The following TBC1D5 variants were observed in gnomAD, a reference collection of about 807,000 sequenced individuals.
TBC1D5 encodes TBC1 domain family, member 5.
TBC1D5 carries 75 observed loss-of-function variants against 100.3 expected under a neutral mutation model. The observed-to-expected ratio is 0.75, with a 90% CI of 0.62 to 0.91. The LOEUF is 0.91. Ranked by LOEUF, TBC1D5 falls within the 40% of genes least tolerant of loss-of-function variation. The pLI, the probability that TBC1D5 is intolerant of heterozygous loss-of-function variation, is 0.00. For missense variants in TBC1D5, 910 were observed against 942.4 expected (o/e 0.97, Z 0.45); for synonymous variants, 323 against 325.6 (o/e 0.99, Z 0.09).
chr3:17,487,524 AG>A (rs2095585358), intron 3 of TBC1D5, among the ~76,000 whole-genome samples: 1 of 152,194 alleles, frequency 6.6e-6, no homozygotes, highest in African/African-American at 2.4e-5. Context: ...CTTATGCAAA[AG>A]ATTAAATCAT....
chr3:17,340,654 C>T (rs956902164), intron 13 of TBC1D5: 1 of 152,180 alleles, frequency 6.6e-6, no homozygotes, highest in Non-Finnish European at 1.5e-5. Context: ...AACTGACTTA[C>T]AAGTGTTGTC....
At chr3:17,619,165 A>G (rs1373205161) in intron 2 of TBC1D5, among the ~76,000 whole-genome samples, 1 of 152,252 alleles carries the variant, frequency 6.6e-6, no homozygotes, top group Admixed American at 6.5e-5. Flanking sequence ...GTAGGACTGT[A>G]CAACTGAAAA....
chr3:17,238,398 G>C, exon 17 of TBC1D5: 1 of 1,613,264 alleles, frequency 6.2e-7, no homozygotes, highest in Non-Finnish European at 8.5e-7. Context: ...TTATATTCAG[G>C]GGAGCACCTT....
At chr3:17,738,092 TC>T (rs2077103692) in intron 1 of TBC1D5, among the ~76,000 whole-genome samples, 2 of 152,232 alleles carry the variant, frequency 1.3e-5, no homozygotes, top group Non-Finnish European at 2.9e-5. Flanking sequence ...CATGTTTTTT[TC>T]TACAGCCCTA....
At chr3:17,567,757 A>G (rs2096602319) in intron 2 of TBC1D5, among the ~76,000 whole-genome samples, 1 of 151,738 alleles carries the variant, frequency 6.6e-6, no homozygotes, top group Non-Finnish European at 1.5e-5. Context: ...ATGTATATAC[A>G]GCGCAGCAGT....
chr3:17,161,405 T>A, intron 21 of TBC1D5, 149 bp from the exon 23 acceptor site: 1 of 892,108 alleles, frequency 1.1e-6, no homozygotes, highest in Non-Finnish European at 1.7e-6. Context: ...TTTGGCCTGC[T>A]GCCCTGAAGC....
At chr3:17,591,615 A>G (rs1425764134) in intron 2 of TBC1D5, among the ~76,000 whole-genome samples, 2 of 152,182 alleles carry the variant, frequency 1.3e-5, no homozygotes, top group Admixed American at 6.5e-5. Context: ...TTTCAGCTCA[A>G]GTCCGACCTA....
At chr3:17,273,050 C>A (rs750553833) in intron 15 of TBC1D5, among the ~76,000 whole-genome samples, 10 of 152,112 alleles carry the variant, frequency 6.6e-5, no homozygotes, top group Non-Finnish European at 7.4e-5. Flanking sequence ...GTCACTGTTT[C>A]ATTCTGAAAG....
intron 15 of TBC1D5, among the ~76,000 whole-genome samples, chr3:17,274,536 G>A (rs1380185995): frequency 2.6e-5 from 4 of 152,162 alleles, no homozygotes; most frequent in African/African-American, 9.7e-5. Flanking sequence ...AGAAAATCTG[G>A]CTGGATTTCT....
At chr3:17,713,002 C>G (rs916970905) in intron 1 of TBC1D5, among the ~76,000 whole-genome samples, 1 of 152,170 alleles carries the variant, frequency 6.6e-6, no homozygotes, top group Admixed American at 6.5e-5. Context: ...AAACTCCCTG[C>G]AGCATATGAT....
chr3:17,564,451 G>A (rs1266957011), intron 2 of TBC1D5, among the ~76,000 whole-genome samples: 1 of 152,048 alleles, frequency 6.6e-6, no homozygotes, highest in East Asian at 1.9e-4. Context: ...AGCTTCATGG[G>A]CCTACAGTTT....
chr3:17,672,860 C>G (rs1002236588), intron 1 of TBC1D5, among the ~76,000 whole-genome samples: 4 of 152,332 alleles, frequency 2.6e-5, no homozygotes, highest in Admixed American at 2.0e-4. Context: ...CCGAGCCCTA[C>G]AGAGCTCCAT....
intron 15 of TBC1D5, among the ~76,000 whole-genome samples, chr3:17,285,310 G>A (rs1241866337): frequency 7.2e-6 from 1 of 138,766 alleles, no homozygotes; most frequent in Non-Finnish European, 1.5e-5. Flanking sequence ...GCCCAGGCTG[G>A]AGTGCAGTGG....
chr3:17,439,633 T>C (rs1306155412), intron 3 of TBC1D5, among the ~76,000 whole-genome samples: 1 of 152,132 alleles, frequency 6.6e-6, no homozygotes, highest in African/African-American at 2.4e-5. Flanking sequence ...TTTACAAATT[T>C]TTGCTATGAC....
chr3:17,314,560 C>T (rs1321536505), intron 13 of TBC1D5, among the ~76,000 whole-genome samples: 1 of 152,084 alleles, frequency 6.6e-6, no homozygotes, highest in Non-Finnish European at 1.5e-5. Context: ...CTCCTAGGAC[C>T]CTGCTATTCA....
intron 6 of TBC1D5, 49 bp downstream of exon 6, chr3:17,404,823 A>T: frequency 6.4e-7 from 1 of 1,570,908 alleles, no homozygotes; most frequent in Non-Finnish European, 8.6e-7. Context: ...TGGACTTTAA[A>T]GTGTACATAA....
intron 3 of TBC1D5, among the ~76,000 whole-genome samples, chr3:17,468,296 C>T (rs1225712327): frequency 6.6e-6 from 1 of 152,138 alleles, no homozygotes; most frequent in African/African-American, 2.4e-5. Flanking sequence ...TACCCTAGGA[C>T]CTTTACACTT....
At position 17,602,145 on chromosome 3, in the gene TBC1D5, A is replaced by ACT. The variant is rs2060999811; in HGVS notation, c.-36+21702_-36+21703dup. Among the ~76,000 whole-genome samples, 2 of 152,060 alleles carry ACT rather than the reference A, an allele frequency of 1.3e-5. 1 individual carries two copies. Among genetic ancestry groups the ACT allele is most frequent in the South Asian group, 4.2e-4 (2 of 4,818 alleles). On this transcript the variant is annotated intron_variant, in intron 2 of 21. Transcript: ENST00000253692. ...TGCGCCCGGCCAATAAGTGGTATTA[A>ACT]CTCAGGTTTGTGATATTCCACAACC...
intron 18 of TBC1D5, among the ~76,000 whole-genome samples, chr3:17,193,715 C>T (rs1042361462): frequency 6.6e-6 from 1 of 152,138 alleles, no homozygotes; most frequent in Non-Finnish European, 1.5e-5. Flanking sequence ...TTGTAGATAG[C>T]GCTAACCACA....
Sources: allele counts gnomAD v4.1 joint callset (sites outside exome capture counted in the v4.1 genomes callset), GRCh38; gene constraint gnomAD v4.1.1; transcripts MANE v1.5; gene names NCBI Gene and HGNC (gene_info 2026-07-23, HGNC 2026-07-21).